Variants in PDSS1 observed in about 807,000 individuals in gnomAD.
The protein encoded by PDSS1 is decaprenyl diphosphate synthase subunit 1, also known as all trans-polyprenyl-diphosphate synthase PDSS1.
Under a neutral mutation model 57.5 loss-of-function variants are expected in PDSS1, and 43 were observed. That is an observed-to-expected ratio of 0.75 (90% CI 0.59 to 0.96). The LOEUF (loss-of-function observed/expected upper bound fraction) is 0.96, where lower values mean the gene tolerates loss of function less well. Among genes scored for constraint, PDSS1 ranks in the 50% least tolerant of loss-of-function variants. The pLI is 0.00. For synonymous variants in PDSS1, 175 were observed against 191.3 expected, an observed-to-expected ratio of 0.91 and a Z score of 0.70; for missense variants, 438 against 527.8, an observed-to-expected ratio of 0.83 and a Z score of 1.67.
intron 8 of PDSS1, among the ~76,000 whole-genome samples, chr10:26,725,036 T>C (rs1253289040): frequency 6.6e-6 from 1 of 152,196 alleles, no homozygotes; most frequent in Non-Finnish European, 1.5e-5. Context: ...TTTTTTTTAA[T>C]GAGTAATACC....
At chr10:26,704,588 T>A in intron 2 of PDSS1, 89 bp from the exon 3 acceptor site, 1 of 745,044 alleles carries the variant, frequency 1.3e-6, no homozygotes. Flanking sequence ...GATTAGAAGA[T>A]AAAGATTATA....
intron 8 of PDSS1, among the ~76,000 whole-genome samples, 181 bp downstream of exon 8, chr10:26,724,304 C>T (rs955573505): frequency 6.6e-6 from 1 of 152,094 alleles, no homozygotes; most frequent in African/African-American, 2.4e-5. Flanking sequence ...TCATTTTTGC[C>T]ATCTTCTTTT....
intron 10 of PDSS1, among the ~76,000 whole-genome samples, chr10:26,738,187 C>T (rs1836468443): frequency 6.6e-6 from 1 of 152,130 alleles, no homozygotes; most frequent in Non-Finnish European, 1.5e-5. Context: ...CCAAAAATAA[C>T]GTAAGAATAT....
At chr10:26,704,267 T>G (rs1835142016) in intron 2 of PDSS1, among the ~76,000 whole-genome samples, 1 of 152,016 alleles carries the variant, frequency 6.6e-6, no homozygotes, top group South Asian at 2.1e-4. Context: ...CAAAGGATGT[T>G]GAGGAACACG....
chr10:26,701,489 G>C (rs1052515731), intron 1 of PDSS1, among the ~76,000 whole-genome samples: 1 of 152,204 alleles, frequency 6.6e-6, no homozygotes. Flanking sequence ...CTTCCCAGCC[G>C]TAGCTAAAAG....
rs572597825 is a variant in PDSS1, at chr10:26,720,412, G to C, written c.609+53G>C. 8.0e-5 allele frequency: 92 copies of C among 1,156,036 alleles called. 1 individual carries two copies. The allele number at this position is 1,156,036 out of a possible 1,614,324, so 71.6% of individuals were successfully genotyped here. ...TCTCTTACTGAATCACACACTTTTC[G>C]GACCGCATTTGTTTCTCAGATTTGT... On this transcript the variant is annotated intron_variant, in intron 6 of 11. Transcript: ENST00000376215.
At chr10:26,722,817 A>G (rs1344177703) in intron 6 of PDSS1, among the ~76,000 whole-genome samples, 1 of 152,182 alleles carries the variant, frequency 6.6e-6, no homozygotes, top group Non-Finnish European at 1.5e-5. Flanking sequence ...GTTTATAACT[A>G]GTTGCTAATA....
chr10:26,710,242 G>A lies in PDSS1; in HGVS notation c.467+474G>A. On this transcript the variant is annotated intron_variant, in intron 5 of 11. Transcript: ENST00000376215. ...GTCACTAAAGTCACTCAGGAATCTA[G>A]TCTGGCATCTTTTTTTTTTTTGAGA... Among the ~76,000 whole-genome samples the A allele has an allele frequency of 2.2e-5, 2 of 90,134 alleles. 1 individual carries two copies. The highest frequency in any genetic ancestry group is 5.0e-5 in the Non-Finnish European group (2 of 40,214). The allele number at this position is 90,134 out of a possible 152,430, so 59.1% of individuals were successfully genotyped here.
At chr10:26,723,149 A>G (rs1197422) in intron 6 of PDSS1, among the ~76,000 whole-genome samples, 38,374 of 151,992 alleles carry the variant, frequency 0.25, 5,199 homozygotes, top group Middle Eastern at 0.34. Context: ...TGGTCGCAGC[A>G]TGCATGGGTG....
chr10:26,722,773 G>A (rs1835830798), intron 6 of PDSS1, among the ~76,000 whole-genome samples: 1 of 151,812 alleles, frequency 6.6e-6, no homozygotes, highest in Non-Finnish European at 1.5e-5. Context: ...GGGTGTATTT[G>A]GTTATAGCAT....
At chr10:26,714,769 A>T (rs376123407) in intron 5 of PDSS1, 42 of 152,340 alleles carry the variant, frequency 2.8e-4, no homozygotes, top group African/African-American at 9.9e-4. Context: ...GCAAATAGCC[A>T]ATGGCATTGG....
chr10:26,713,139 A>C lies in PDSS1; in HGVS notation c.467+3371A>C, dbSNP rs1484870983. 2.1e-5 allele frequency among the ~76,000 whole-genome samples: 2 copies of C among 96,310 alleles called. 1 individual carries two copies. Among genetic ancestry groups the C allele is most frequent in the East Asian group, 5.1e-4 (2 of 3,908 alleles). The allele number at this position is 96,310 out of a possible 152,430, so 63.2% of individuals were successfully genotyped here. ...AACCCTGTCTCTACTAAAAATACAA[A>C]AAATTAGCTGGGCATGGTGGCACGC... On this transcript the variant is annotated intron_variant, in intron 5 of 11. Coordinates refer to ENST00000376215, the MANE Select transcript of PDSS1 (RefSeq NM_014317.5).
rs1241444165 is a variant in PDSS1, at chr10:26,710,844, G to C, written c.467+1076G>C. On this transcript the variant is annotated intron_variant, in intron 5 of 11. Transcript: ENST00000376215. Reference sequence around the variant, plus strand: ...CTGGGTAGCAGGAGAAGCTGAGCTGGAATCAACAGCCTGAAACACCCTCTA... The same window carrying C: ...CTGGGTAGCAGGAGAAGCTGAGCTGCAATCAACAGCCTGAAACACCCTCTA... Among the ~76,000 whole-genome samples the C allele has an allele frequency of 2.0e-5, 2 of 99,384 alleles. 1 individual carries two copies. The highest frequency in any genetic ancestry group is 4.7e-5 in the Non-Finnish European group (2 of 42,636). The allele number at this position is 99,384 out of a possible 152,430, so 65.2% of individuals were successfully genotyped here.
At chr10:26,743,615 T>C (rs992607813) in intron 11 of PDSS1, among the ~76,000 whole-genome samples, 9 of 152,182 alleles carry the variant, frequency 5.9e-5, no homozygotes, top group African/African-American at 2.2e-4. Flanking sequence ...TCAGAAATAA[T>C]GGTATTATTG....
intron 10 of PDSS1, among the ~76,000 whole-genome samples, chr10:26,737,859 T>C (rs550475727): frequency 6.6e-6 from 1 of 152,086 alleles, no homozygotes; most frequent in South Asian, 2.1e-4. Context: ...CACCTACTCA[T>C]GCTCACCAGA....
chr10:26,715,142 C>G (rs146211345), intron 5 of PDSS1: 1 of 152,344 alleles, frequency 6.6e-6, no homozygotes, highest in African/African-American at 2.4e-5. Flanking sequence ...TTGTCTTTCA[C>G]CTAGGAGATG....
intron 10 of PDSS1, among the ~76,000 whole-genome samples, chr10:26,737,006 A>T (rs1836429816): frequency 6.6e-6 from 1 of 152,222 alleles, no homozygotes; most frequent in African/African-American, 2.4e-5. Flanking sequence ...TGCGAACATT[A>T]CTTCTCAGAT....
At chr10:26,704,083 C>CCAAAAAAAAAAAAAAAAAAAAAAAAAAA (rs1835132185) in intron 2 of PDSS1, among the ~76,000 whole-genome samples, 1 of 31,050 alleles carries the variant, frequency 3.2e-5, no homozygotes, top group Non-Finnish European at 6.1e-5. Flanking sequence ...CTCCGTCTCA[C>CCAAAAAAAAAAAAAAAAAAAAAAAAAAA]AAAAAAAAAA....
chr10:26,697,753 G>C lies in PDSS1; in HGVS notation c.42G>C (p.Trp14Cys), dbSNP rs1834909905. The change falls in exon 1 of 12, where the codon TGG (tryptophan) becomes TGC (cysteine). Residue 14 changes from tryptophan (W) to cysteine (C), a missense_variant. This residue lies in a region of PDSS1 where 154 missense variants were observed against 137.0 expected (regional missense o/e 1.12). Coordinates refer to ENST00000376215, the MANE Select transcript of PDSS1 (RefSeq NM_014317.5). ...GGCGGTGGCGGCGCGGCTGCTCCTG[G>C]AAGCCGGCGGCGCGGAGCCCCGGGC... is the stretch of plus-strand genomic sequence containing the variant. Reference protein sequence around the residue: ...RWWRWRRGCSWKPAARSPGPG... With the variant: ...RWWRWRRGCSCKPAARSPGPG... 3.1e-6 allele frequency: 4 copies of C among 1,293,384 alleles called. No individual in the cohort carries two copies. Among genetic ancestry groups the C allele is most frequent in the Non-Finnish European group, 3.9e-6 (4 of 1,026,016 alleles). 80.1% of individuals were successfully genotyped at this position (1,293,384 alleles called of 1,614,324 possible).
Sources: gnomAD v4.1 joint callset for allele counts (sites outside exome capture counted in the v4.1 genomes callset) on GRCh38, gnomAD v4.1.1 for gene constraint, gnomAD v4.1.1 regional missense constraint, MANE v1.5 for transcripts, NCBI Gene and HGNC (gene_info 2026-07-23, HGNC 2026-07-21) for gene names.